Variants in KIF26B observed in about 807,000 individuals in gnomAD.
KIF26B encodes kinesin-like protein KIF26B.
Under a neutral mutation model 151.2 loss-of-function variants are expected in KIF26B, and 63 were observed. The ratio of observed to expected loss-of-function variants is 0.42; its 90% CI spans 0.34 to 0.51. The LOEUF (loss-of-function observed/expected upper bound fraction) is 0.51. Among genes scored for constraint, KIF26B ranks in the 20% least tolerant of loss-of-function variants. The probability of loss-of-function intolerance (pLI) is 0.07; values close to 1 mark genes in which losing one functional copy is unlikely to be tolerated. For missense variants in KIF26B, 2,813 were observed against 2,913.6 expected (o/e 0.97, Z 0.79); for synonymous variants, 1,357 against 1,262.1 (o/e 1.08, Z -1.59).
intron 2 of KIF26B, among the ~76,000 whole-genome samples, chr1:245,184,931 G>A (rs550515841): frequency 9.2e-5 from 14 of 152,302 alleles, no homozygotes; most frequent in African/African-American, 3.4e-4. Context: ...AGTCTGCCCA[G>A]AGCACTTAAT....
intron 4 of KIF26B, among the ~76,000 whole-genome samples, chr1:245,530,418 G>A (rs534198883): frequency 4.1e-4 from 62 of 152,330 alleles, no homozygotes; most frequent in South Asian, 2.1e-4. Flanking sequence ...ATAGTCAAGA[G>A]TTGGAAGCAA....
intron 10 of KIF26B, among the ~76,000 whole-genome samples, chr1:245,680,780 C>T (rs770884958): frequency 1.2e-4 from 19 of 152,176 alleles, no homozygotes; most frequent in African/African-American, 2.7e-4. Flanking sequence ...AGTCATTCTC[C>T]GACACGGGCA....
Position 245,586,743 on chromosome 1 carries a change from G to A in KIF26B, c.1351-15834G>A, listed in dbSNP as rs12567662. On this transcript the variant is annotated intron_variant, in intron 5 of 14. Transcript: ENST00000407071. ...CTAAAAAAAATACAAAAAATTAGCC[G>A]GGCGCGGTGGCGGGCGCCTGTAGTC... Among the ~76,000 whole-genome samples the A allele has an allele frequency of 4.5e-3, 677 of 151,584 alleles. 39 individuals are homozygous for A. In the East Asian group the frequency reaches 0.12, roughly 27 times the overall value.
At position 245,512,946 on chromosome 1, in the gene KIF26B, A is replaced by C. The variant is rs963418050; in HGVS notation, c.1167-27821A>C. Among the ~76,000 whole-genome samples, 2 of 152,168 alleles carry C rather than the reference A, an allele frequency of 1.3e-5. No homozygotes were observed. Among genetic ancestry groups the C allele is most frequent in the African/African-American group, 4.8e-5 (2 of 41,450 alleles). On this transcript the variant is annotated intron_variant, in intron 4 of 14. Transcript: ENST00000407071. The surrounding 1 kb of genome is among the most constrained non-coding windows in gnomAD (Gnocchi z 4.3). ...TTTTCTTACCCAAATTCCAGTTCTC[A>C]TCCTTGTTTTGGGTTCCCTGTTAAA...
chr1:245,484,058 C>T (rs569182187), intron 4 of KIF26B, among the ~76,000 whole-genome samples: 2 of 151,742 alleles, frequency 1.3e-5, no homozygotes, highest in Admixed American at 1.3e-4. Context: ...GCTTTAATGA[C>T]GCTTTGTTAG....
In KIF26B at chr1:245,352,777, G is replaced by C. The variant is rs151325781; in HGVS notation, c.466-14057G>C. Reference sequence around the variant, plus strand: ...ACTCCTGAGCCTGTCTTACTAGTACGGGTTCCCCAACCCCACGACTAGAAC... The same window carrying C: ...ACTCCTGAGCCTGTCTTACTAGTACCGGTTCCCCAACCCCACGACTAGAAC... On this transcript the variant is annotated intron_variant, in intron 2 of 14. Transcript: ENST00000407071. The surrounding 1 kb of genome is among the most constrained non-coding windows in gnomAD (Gnocchi z 5.0). Among the ~76,000 whole-genome samples, 1,971 of 152,126 alleles carry C rather than the reference G, an allele frequency of 0.013. 21 individuals carry two copies. The highest frequency in any genetic ancestry group is 0.019 in the Non-Finnish European group (1,291 of 68,018).
At position 245,433,635 on chromosome 1, in the gene KIF26B, CAGTT is replaced by C. The variant is rs200774527; in HGVS notation, c.1166+13893_1166+13896del. ...ATATTTTCCATTGTTGATTTCAACA[CAGTT>C]AGACTCAGCAGTGCACCATTTCTGA... On this transcript the variant is annotated intron_variant, in intron 4 of 14. Transcript: ENST00000407071. Among the ~76,000 whole-genome samples, 57 of 152,242 alleles carry C rather than the reference CAGTT, an allele frequency of 3.7e-4. No homozygotes were observed. The East Asian group carries it at 6.2e-3, about 16-fold the overall frequency.
intron 9 of KIF26B, among the ~76,000 whole-genome samples, chr1:245,634,849 G>A (rs1033939731): frequency 6.6e-6 from 1 of 151,958 alleles, no homozygotes; most frequent in African/African-American, 2.4e-5. Context: ...AACTAGCTAG[G>A]ATTACAGTGT....
In KIF26B at chr1:245,705,403, T is replaced by C. The variant is rs1174315545; in HGVS notation, c.*2797T>C. The C allele has an allele frequency of 1.3e-5, 2 of 152,112 alleles. No homozygotes were observed. Among genetic ancestry groups the C allele is most frequent in the African/African-American group, 4.8e-5 (2 of 41,428 alleles). 9.4% of individuals were successfully genotyped at this position (152,112 alleles called of 1,614,324 possible). On this transcript the variant is annotated 3_prime_UTR_variant, in exon 15 of 15. Transcript: ENST00000407071. ...TGTCTCTGCCTATAAATTGACTGTA[T>C]TGATGATGAAGGAAGGAGTTCCGGC... is the stretch of plus-strand genomic sequence containing the variant.
chr1:245,692,445 AG>A (rs2044637985), intron 12 of KIF26B, among the ~76,000 whole-genome samples: 1 of 152,084 alleles, frequency 6.6e-6, no homozygotes, highest in Non-Finnish European at 1.5e-5. Context: ...TTGGTCCGGG[AG>A]GGTGCTTACA....
intron 2 of KIF26B, among the ~76,000 whole-genome samples, chr1:245,265,814 C>T (rs927271123): frequency 6.6e-6 from 1 of 152,068 alleles, no homozygotes; most frequent in Non-Finnish European, 1.5e-5. Flanking sequence ...TGCCATGTTG[C>T]TCAAGCTGGT....
intron 2 of KIF26B, among the ~76,000 whole-genome samples, chr1:245,282,150 G>A (rs959905117): frequency 2.0e-5 from 3 of 151,944 alleles, no homozygotes; most frequent in South Asian, 2.1e-4. Context: ...AATCAATATC[G>A]TGAAAATGGC....
At chr1:245,446,863 G>A (rs971854201) in intron 4 of KIF26B, among the ~76,000 whole-genome samples, 3 of 152,172 alleles carry the variant, frequency 2.0e-5, no homozygotes, top group South Asian at 2.1e-4. Context: ...GTGATCACTA[G>A]GGAGTTCCCA....
chr1:245,589,861 A>G (rs572112689), intron 5 of KIF26B, among the ~76,000 whole-genome samples: 3 of 152,300 alleles, frequency 2.0e-5, no homozygotes, highest in African/African-American at 7.2e-5. Context: ...GGTACAGAAG[A>G]CACTAAATCG....
chr1:245,475,035 A>G (rs779019296), intron 4 of KIF26B, among the ~76,000 whole-genome samples: 1 of 151,930 alleles, frequency 6.6e-6, no homozygotes, highest in Non-Finnish European at 1.5e-5. Flanking sequence ...CATATAAATG[A>G]CAACTTGTAA....
intron 2 of KIF26B, among the ~76,000 whole-genome samples, chr1:245,197,849 T>G (rs754414042): frequency 1.4e-4 from 22 of 152,154 alleles, no homozygotes; most frequent in Non-Finnish European, 2.4e-4. Context: ...CCAGGATAAT[T>G]AATGTGTGAT....
chr1:245,371,259 G>A (rs2103012595), intron 3 of KIF26B, among the ~76,000 whole-genome samples: 1 of 152,254 alleles, frequency 6.6e-6, no homozygotes, highest in South Asian at 2.1e-4. Flanking sequence ...CTGGGGTGGG[G>A]GCTCTGGGTC....
At chr1:245,177,665 GGTGTGTGTGTGTGTGTGTGT>G (rs111597803) in intron 2 of KIF26B, among the ~76,000 whole-genome samples, 2 of 149,068 alleles carry the variant, frequency 1.3e-5, no homozygotes, top group Admixed American at 1.3e-4. Context: ...TGTCCTTAGG[GGTGTGTGTGTGTGTGTGTGT>G]GTGTGTGTGT....
chr1:245,350,238 A>G (rs1260233318), intron 2 of KIF26B, among the ~76,000 whole-genome samples: 6 of 152,042 alleles, frequency 3.9e-5, no homozygotes, highest in South Asian at 2.1e-4. Flanking sequence ...CATCTGGTCA[A>G]TGGCCACATG....
Sources: gnomAD v4.1 joint callset for allele counts (sites outside exome capture counted in the v4.1 genomes callset) on GRCh38, gnomAD v4.1.1 for gene constraint, Gnocchi (gnomAD v3.1) non-coding constraint, MANE v1.5 for transcripts, NCBI Gene and HGNC (gene_info 2026-07-23, HGNC 2026-07-21) for gene names.